The following VANGL2 variants were observed in gnomAD, a reference collection of about 807,000 sequenced individuals.
The protein encoded by VANGL2 is vang-like protein 2.
A neutral mutation model predicts 50.2 loss-of-function variants in VANGL2; 14 were observed. The ratio of observed to expected loss-of-function variants is 0.28; its 90% CI spans 0.18 to 0.44. The LOEUF (loss-of-function observed/expected upper bound fraction) is 0.44, where lower values mean the gene tolerates loss of function less well. VANGL2 is among the 20% of genes least tolerant of loss of function. The pLI is 1.00. For synonymous variants in VANGL2, 295 were observed against 297.2 expected (o/e 0.99, Z 0.08); for missense variants, 533 against 701.5 (o/e 0.76, Z 2.71).
At chr1:160,408,683 C>A (rs74123197) in intron 1 of VANGL2, among the ~76,000 whole-genome samples, 1 of 151,764 alleles carries the variant, frequency 6.6e-6, no homozygotes, top group Non-Finnish European at 1.5e-5. Context: ...GTTAACAGGG[C>A]GGGGGTGGGG....
At chr1:160,423,212 A>G (rs1385814204) in intron 6 of VANGL2, among the ~76,000 whole-genome samples, 2 of 152,054 alleles carry the variant, frequency 1.3e-5, no homozygotes, top group Non-Finnish European at 2.9e-5. Context: ...GGCCATCTAT[A>G]TGCTTTTAAT....
At chr1:160,404,339 C>T (rs995860129) in intron 1 of VANGL2, among the ~76,000 whole-genome samples, 22 of 152,154 alleles carry the variant, frequency 1.4e-4, no homozygotes, top group African/African-American at 5.1e-4. Flanking sequence ...AGGAAGAGTG[C>T]TTGGCCCTGG....
At chr1:160,421,254 A>G in intron 6 of VANGL2, 67 bp downstream of exon 6, 1 of 1,587,406 alleles carries the variant, frequency 6.3e-7, no homozygotes, top group Non-Finnish European at 8.6e-7. Flanking sequence ...AAGACCAAGG[A>G]ACTTCTGTAA....
rs1362216218 is a variant in VANGL2, at chr1:160,425,560, T to C, written c.*182T>C. ...TTCCTTATTTTACCCCATGTGAACC[T>C]GGAGAGACCATCCTGCTGTCAACAG... On this transcript the variant is annotated 3_prime_UTR_variant, in exon 8 of 8. Transcript: ENST00000368061. 1.5e-6 allele frequency: 1 copy of C among 649,466 alleles called. No individual in the cohort carries two copies. The highest frequency in any genetic ancestry group is 2.6e-6 in the Non-Finnish European group (1 of 386,614). 40.2% of individuals were successfully genotyped at this position (649,466 alleles called of 1,614,324 possible). A position where few individuals can be genotyped will look rare whatever the true frequency, so the allele number is the denominator to read the frequency against.
chr1:160,402,417 TG>T (rs1413691451), intron 1 of VANGL2, among the ~76,000 whole-genome samples: 5 of 152,102 alleles, frequency 3.3e-5, no homozygotes, highest in African/African-American at 4.8e-5. Flanking sequence ...CTAAAGTTCC[TG>T]AGGAGTCTTG....
At position 160,420,553 on chromosome 1, in the gene VANGL2, C is replaced by T; in HGVS notation, c.937+6C>T. 1 of 1,614,128 alleles carries T rather than the reference C, an allele frequency of 6.2e-7. No homozygotes were observed. ...GGTGTATTCCCTCGGAGAGGGTGAGCAGCCCTGCTCCTCTGCCCTTCCCTG... is the reference window on the plus strand; with the variant it reads ...GGTGTATTCCCTCGGAGAGGGTGAGTAGCCCTGCTCCTCTGCCCTTCCCTG... On this transcript the variant is annotated splice_donor_region_variant and intron_variant, in intron 5 of 7. Transcript: ENST00000368061.
At chr1:160,408,819 G>C (rs1456699380) in intron 1 of VANGL2, among the ~76,000 whole-genome samples, 2 of 152,174 alleles carry the variant, frequency 1.3e-5, no homozygotes, top group African/African-American at 4.8e-5. Flanking sequence ...TCAGGGTTTA[G>C]GAATGAGGGT....
At chr1:160,407,612 T>G (rs1019995188) in intron 1 of VANGL2, among the ~76,000 whole-genome samples, 1 of 152,094 alleles carries the variant, frequency 6.6e-6, no homozygotes, top group African/African-American at 2.4e-5. Context: ...GCTTTGAAGG[T>G]CTTTTGGGGC....
At chr1:160,418,084 TG>T (rs1333125529) in intron 3 of VANGL2, among the ~76,000 whole-genome samples, 23 of 151,990 alleles carry the variant, frequency 1.5e-4, no homozygotes, top group Middle Eastern at 6.8e-3. Context: ...GCTAATTTTT[TG>T]TGTGTGTGTG....
At chr1:160,413,564 A>C (rs1287459809) in intron 1 of VANGL2, among the ~76,000 whole-genome samples, 1 of 152,056 alleles carries the variant, frequency 6.6e-6, no homozygotes, top group African/African-American at 2.4e-5. Context: ...GCCCCATTTT[A>C]GTTTTTAACA....
Position 160,415,739 on chromosome 1 carries a change from G to A in VANGL2, c.-99G>A. 1.4e-6 allele frequency: 2 copies of A among 1,392,324 alleles called. No homozygotes were observed. The highest frequency in any genetic ancestry group is 2.0e-6 in the Non-Finnish European group (2 of 1,002,660). 86.2% of individuals were successfully genotyped at this position (1,392,324 alleles called of 1,614,324 possible). A position where few individuals can be genotyped will look rare whatever the true frequency, so the allele number is the denominator to read the frequency against. ...AGTTGACTTCCTGAAGGTGCCTCTT[G>A]GCCTAAAGAAGCCGGTGCTGAAGGA... On this transcript the variant is annotated 5_prime_UTR_variant, in exon 2 of 8. Coordinates refer to ENST00000368061, the MANE Select transcript of VANGL2 (RefSeq NM_020335.3).
Position 160,419,030 on chromosome 1 carries a change from T to C in VANGL2, c.221T>C (p.Val74Ala), listed in dbSNP as rs1231173062. 1 of 1,609,644 alleles carries C rather than the reference T, an allele frequency of 6.2e-7. No individual in the cohort carries two copies. Among genetic ancestry groups the C allele is most frequent in the Non-Finnish European group, 8.5e-7 (1 of 1,176,622 alleles). ...GACAACTGGGGGGAAACGACGACAG[T>C]AGTAACGGGCACCTCAGAGCACAGC... ...RDDNWGETTTVVTGTSEHSIS... is the reference protein window; with the variant it reads ...RDDNWGETTTAVTGTSEHSIS... Residue 74 changes from valine (V) to alanine (A), a missense_variant, in exon 4 of 8, where the codon GTA becomes GCA. Physicochemically the swap from Val to Ala is moderately conservative, Grantham distance 64. Transcript: ENST00000368061. The surrounding 1 kb of genome is among the most constrained non-coding windows in gnomAD (Gnocchi z 5.8).
Position 160,416,107 on chromosome 1 carries a change from A to C in VANGL2, c.117A>C (p.Arg39=). The C allele has an allele frequency of 6.2e-7, 1 of 1,614,156 alleles. No homozygotes were observed. Among genetic ancestry groups the C allele is most frequent in the Middle Eastern group, 1.6e-4 (1 of 6,062 alleles). Residue 39 remains arginine, a synonymous_variant, in exon 3 of 8, where the codon CGA becomes CGC. Coordinates refer to ENST00000368061, the MANE Select transcript of VANGL2 (RefSeq NM_020335.3). ...RHRSKSRDGG[R]GDKSVTIQAP... is the part of the protein sequence containing the mutation. ...GCTCTAAGAGTCGAGATGGGGGCCG[A>C]GGGGACAAGTCGGTGACAATCCAGG...
At chr1:160,418,577 C>T (rs1404532186) in intron 3 of VANGL2, among the ~76,000 whole-genome samples, 1 of 152,096 alleles carries the variant, frequency 6.6e-6, no homozygotes, top group Admixed American at 6.5e-5. Flanking sequence ...CCTTGGAGCC[C>T]CCTTCCCCCA....
chr1:160,412,428 TAGAA>T (rs1650911633), intron 1 of VANGL2, among the ~76,000 whole-genome samples: 1 of 152,080 alleles, frequency 6.6e-6, no homozygotes, highest in Admixed American at 6.5e-5. Context: ...TGAAGAAGAC[TAGAA>T]AGAATAGGCT....
intron 3 of VANGL2, among the ~76,000 whole-genome samples, chr1:160,416,481 A>T (rs1425578234): frequency 6.6e-6 from 1 of 152,150 alleles, no homozygotes; most frequent in Non-Finnish European, 1.5e-5. Flanking sequence ...GCCGCCAGCC[A>T]GTCAGGCCCG....
chr1:160,424,523 A>G (rs1651385418), intron 7 of VANGL2, among the ~76,000 whole-genome samples: 1 of 152,028 alleles, frequency 6.6e-6, no homozygotes, highest in Non-Finnish European at 1.5e-5. Context: ...GATGGCTGAG[A>G]CTTATTTCTC....
intron 5 of VANGL2, 21 bp downstream of exon 5, chr1:160,420,568 G>A: frequency 1.2e-6 from 2 of 1,614,110 alleles, no homozygotes; most frequent in Non-Finnish European, 1.7e-6. Flanking sequence ...CTGCTCCTCT[G>A]CCCTTCCCTG....
In VANGL2 at chr1:160,415,573, G is replaced by A. The variant is rs1299370959; in HGVS notation, c.-190-75G>A. ...CATTTGAGCCTCCTGTGGCTGTTGT[G>A]TGCAGATGGTCTTCCTCTGCCCTGA... On this transcript the variant is annotated intron_variant, in intron 1 of 7. Coordinates refer to ENST00000368061, the MANE Select transcript of VANGL2 (RefSeq NM_020335.3). The A allele has an allele frequency of 9.6e-6, 5 of 523,106 alleles. No homozygotes were observed. The East Asian group carries it at 1.7e-4, about 18-fold the overall frequency. The allele number at this position is 523,106 out of a possible 1,614,324, so 32.4% of individuals were successfully genotyped here.
Sources: gnomAD v4.1 joint callset for allele counts (sites outside exome capture counted in the v4.1 genomes callset) on GRCh38, gnomAD v4.1.1 for gene constraint, Gnocchi (gnomAD v3.1) non-coding constraint, MANE v1.5 for transcripts, NCBI Gene and HGNC (gene_info 2026-07-23, HGNC 2026-07-21) for gene names.